The following GOLIM4 variants were observed in gnomAD, a reference collection of about 807,000 sequenced individuals.
GOLIM4 encodes the protein 130 kDa golgi-localized phosphoprotein.
A neutral mutation model predicts 107.4 loss-of-function variants in GOLIM4; 71 were observed. The observed-to-expected ratio is 0.66, with a 90% confidence interval of 0.55 to 0.81. GOLIM4 has a LOEUF of 0.81. Ranked by LOEUF, GOLIM4 falls within the 30% of genes least tolerant of loss-of-function variation. The pLI, the probability that GOLIM4 is intolerant of heterozygous loss-of-function variation, is 0.00. For missense variants in GOLIM4, 830 were observed against 826.1 expected (o/e 1.00, Z -0.06); for synonymous variants, 327 against 294.8 (o/e 1.11, Z -1.12).
At chr3:168,012,935 A>G (rs1717141050) in intron 14 of GOLIM4, among the ~76,000 whole-genome samples, 1 of 151,372 alleles carries the variant, frequency 6.6e-6, no homozygotes, top group Non-Finnish European at 1.5e-5. Flanking sequence ...CTGCAAAATC[A>G]TGCCAAATTG....
intron 1 of GOLIM4, among the ~76,000 whole-genome samples, chr3:168,054,942 C>T (rs1220981248): frequency 1.3e-5 from 2 of 152,060 alleles, no homozygotes; most frequent in East Asian, 1.9e-4. Context: ...AGTTTCCCTG[C>T]GCAAATTCTC....
chr3:168,047,414 C>G (rs957170201), intron 2 of GOLIM4, among the ~76,000 whole-genome samples: 1 of 152,140 alleles, frequency 6.6e-6, no homozygotes, highest in Non-Finnish European at 1.5e-5. Context: ...ATCTTTAATG[C>G]TTTGAAAACC....
intron 10 of GOLIM4, 63 bp from the exon 11 acceptor site, chr3:168,029,365 G>C (rs1202934464): frequency 4.5e-5 from 46 of 1,014,702 alleles, no homozygotes; most frequent in Non-Finnish European, 6.8e-5. Flanking sequence ...GTTTGACATA[G>C]GTCATTTATC....
At chr3:168,031,145 C>T (rs182873281) in intron 9 of GOLIM4, among the ~76,000 whole-genome samples, 13 of 151,900 alleles carry the variant, frequency 8.6e-5, no homozygotes, top group African/African-American at 3.1e-4. Context: ...CTTAAAAAAG[C>T]GATATTGATA....
Position 168,010,304 on chromosome 3 carries a change from C to T in GOLIM4, c.2056G>A (p.Val686Ile), listed in dbSNP as rs148412587. ...GCTCTTCGATGTGATTTCTCAGCAA[C>T]TGCAGCCCCGTCTTCTTCCTCCTCT... is the stretch of plus-strand genomic sequence containing the variant. ...EEEEEEDGAA[V>I]AEKSHRRAEM Residue 686 changes from valine to isoleucine, a missense_variant, in exon 16 of 16, where the codon GTT becomes ATT. Val to Ile is a conservative substitution (Grantham distance 29). Coordinates refer to ENST00000470487, the MANE Select transcript of GOLIM4 (RefSeq NM_014498.5). 9.3e-5 allele frequency: 150 copies of T among 1,613,820 alleles called. No individual in the cohort carries two copies. The African/African-American group carries it at 1.9e-3, about 20-fold the overall frequency.
In GOLIM4 at chr3:168,043,621, A is replaced by G. The variant is rs550810019; in HGVS notation, c.367-92T>C. The G allele has an allele frequency of 9.3e-6, 9 of 970,996 alleles. No individual in the cohort carries two copies. In the South Asian group the frequency reaches 1.3e-4, roughly 14 times the overall value. 60.1% of individuals were successfully genotyped at this position (970,996 alleles called of 1,614,324 possible). A position where few individuals can be genotyped will look rare whatever the true frequency, so the allele number is the denominator to read the frequency against. ...AGCACAGTAAACAAAAACAAATGAA[A>G]GCAAGCAAGCACAAACACATGAAGA... On this transcript the variant is annotated intron_variant, in intron 4 of 15. Coordinates refer to ENST00000470487, the MANE Select transcript of GOLIM4 (RefSeq NM_014498.5).
In GOLIM4 at chr3:168,037,067, G is replaced by C; in HGVS notation, c.685-73C>G. On this transcript the variant is annotated intron_variant, in intron 7 of 15. Transcript: ENST00000470487. The stretch of plus-strand genomic sequence containing the variant: ...TCATAGATGGGCATTTGGGTACACT[G>C]TAAAACTAGACAAAAATATTGTACC... 4.0e-5 allele frequency: 27 copies of C among 669,134 alleles called. No homozygotes were observed. Among genetic ancestry groups the C allele is most frequent in the Admixed American group, 5.6e-5 (2 of 35,644 alleles). 41.4% of individuals were successfully genotyped at this position (669,134 alleles called of 1,614,324 possible).
At chr3:168,050,027 A>G (rs567172738) in intron 1 of GOLIM4, among the ~76,000 whole-genome samples, 111 of 152,008 alleles carry the variant, frequency 7.3e-4, no homozygotes, top group African/African-American at 2.5e-3. Context: ...GCATACCCCA[A>G]TCTCAACTTT....
intron 5 of GOLIM4, 95 bp from the exon 6 acceptor site, chr3:168,041,569 T>C (rs543026734): frequency 1.1e-5 from 7 of 632,148 alleles, no homozygotes; most frequent in East Asian, 8.2e-5. Context: ...ATAACTTATT[T>C]TAGAATTTAT....
At chr3:168,024,861 T>G (rs1717909112) in intron 13 of GOLIM4, 67 bp downstream of exon 13, 1 of 1,486,630 alleles carries the variant, frequency 6.7e-7, no homozygotes, top group East Asian at 2.3e-5. Context: ...GACTAACCTT[T>G]TACATAAACC....
intron 4 of GOLIM4, among the ~76,000 whole-genome samples, chr3:168,044,457 C>G (rs886575372): frequency 6.6e-6 from 1 of 152,102 alleles, no homozygotes; most frequent in African/African-American, 2.4e-5. Context: ...AAGAAGGAAG[C>G]ATTTTAATAG....
At chr3:168,012,900 G>A (rs1310230958) in intron 14 of GOLIM4, among the ~76,000 whole-genome samples, 1 of 151,588 alleles carries the variant, frequency 6.6e-6, no homozygotes, top group African/African-American at 2.4e-5. Context: ...CGCTAAACAT[G>A]GAAAGGAACA....
intron 1 of GOLIM4, among the ~76,000 whole-genome samples, chr3:168,081,663 T>A (rs1029150200): frequency 6.6e-6 from 1 of 152,168 alleles, no homozygotes; most frequent in Non-Finnish European, 1.5e-5. Context: ...TCTGCTTCCT[T>A]AAATTTAAAA....
At chr3:168,094,531 A>T (rs1167314939) in intron 1 of GOLIM4, among the ~76,000 whole-genome samples, 2 of 152,214 alleles carry the variant, frequency 1.3e-5, no homozygotes, top group African/African-American at 2.4e-5. Context: ...AAATTAAAAG[A>T]ATAAGAAATA....
At chr3:168,083,426 T>G (rs1721472560) in intron 1 of GOLIM4, among the ~76,000 whole-genome samples, 1 of 152,190 alleles carries the variant, frequency 6.6e-6, no homozygotes, top group Admixed American at 6.5e-5. Flanking sequence ...AAGGACATGA[T>G]GTCTTCCACT....
intron 8 of GOLIM4, among the ~76,000 whole-genome samples, chr3:168,033,775 T>C (rs1718484304): frequency 6.6e-6 from 1 of 152,150 alleles, no homozygotes; most frequent in Admixed American, 6.5e-5. Context: ...ACATTTTTTA[T>C]TGCTAATATT....
intron 8 of GOLIM4, among the ~76,000 whole-genome samples, chr3:168,035,177 G>A (rs1300054404): frequency 6.6e-6 from 1 of 152,178 alleles, no homozygotes; most frequent in Admixed American, 6.5e-5. Context: ...AGGTTGTGAA[G>A]AAAAAGGAAT....
intron 1 of GOLIM4, among the ~76,000 whole-genome samples, chr3:168,054,396 C>A (rs1360960751): frequency 2.0e-5 from 3 of 152,296 alleles, no homozygotes; most frequent in Middle Eastern, 3.4e-3. Flanking sequence ...CTCAGCCCCT[C>A]CTACTGCCTT....
chr3:168,073,954 G>A (rs921237738), intron 1 of GOLIM4, among the ~76,000 whole-genome samples: 1 of 152,172 alleles, frequency 6.6e-6, no homozygotes, highest in Admixed American at 6.5e-5. Context: ...CTGACTAACA[G>A]CCTATGTCCC....
Sources: gnomAD v4.1 joint callset for allele counts (sites outside exome capture counted in the v4.1 genomes callset) on GRCh38, gnomAD v4.1.1 for gene constraint, MANE v1.5 for transcripts, NCBI Gene and HGNC (gene_info 2026-07-23, HGNC 2026-07-21) for gene names.